The following RAB38 variants were observed in gnomAD, a reference collection of about 807,000 sequenced individuals.
RAB38 encodes RAB38, member RAS oncogene family, also known as ras-related protein Rab-38.
RAB38 carries 15 observed loss-of-function variants against 18.4 expected under a neutral mutation model. The observed-to-expected ratio is 0.82, with a 90% CI of 0.55 to 1.26. The LOEUF is 1.26. Ranked by LOEUF, RAB38 falls within the 50% of genes most tolerant of loss-of-function variation. RAB38 has a pLI of 0.00. For missense variants in RAB38, 294 were observed against 267.4 expected, an observed-to-expected ratio of 1.10 and a Z score of -0.69; for synonymous variants, 101 against 104.4, an observed-to-expected ratio of 0.97 and a Z score of 0.20.
the RAB38 span, among the ~76,000 whole-genome samples, chr11:88,092,003 T>C: frequency 2.6e-5 from 4 of 151,864 alleles, no homozygotes; most frequent in Non-Finnish European, 5.9e-5. Context: ...GTCATTGCCA[T>C]GGAAAGCAGT....
At chr11:87,845,140 T>C in the RAB38 span, among the ~76,000 whole-genome samples, 1 of 152,156 alleles carries the variant, frequency 6.6e-6, no homozygotes, top group Non-Finnish European at 1.5e-5. Flanking sequence ...CTGCAGATTG[T>C]AATAGATAAC....
chr11:88,158,889 T>C (rs151337565), intron 1 of RAB38, among the ~76,000 whole-genome samples: 1 of 152,188 alleles, frequency 6.6e-6, no homozygotes, highest in Admixed American at 6.5e-5. Flanking sequence ...ATTGTGCCTA[T>C]TGAACACATT....
At chr11:87,894,933 C>G in the RAB38 span, among the ~76,000 whole-genome samples, 7 of 151,530 alleles carry the variant, frequency 4.6e-5, no homozygotes, top group African/African-American at 1.7e-4. Context: ...TTAAGTAGCT[C>G]TGATTACAGC....
chr11:87,844,005 T>C, the RAB38 span, among the ~76,000 whole-genome samples: 4 of 152,208 alleles, frequency 2.6e-5, no homozygotes, highest in African/African-American at 9.6e-5. Context: ...TATTTCCTCA[T>C]CTCTTAGTTT....
intron 2 of RAB38, among the ~76,000 whole-genome samples, chr11:88,134,738 C>T (rs1942812010): frequency 6.6e-6 from 1 of 152,226 alleles, no homozygotes; most frequent in Non-Finnish European, 1.5e-5. Context: ...TGATCTGCTT[C>T]CAACCTTTCT....
At chr11:87,910,962 G>C in the RAB38 span, among the ~76,000 whole-genome samples, 2 of 151,864 alleles carry the variant, frequency 1.3e-5, no homozygotes, top group African/African-American at 4.8e-5. Context: ...CGTGGTATGG[G>C]TTCAAGTTCA....
chr11:87,952,655 A>G, the RAB38 span, among the ~76,000 whole-genome samples: 5 of 152,330 alleles, frequency 3.3e-5, no homozygotes, highest in Admixed American at 6.5e-5. Context: ...GTTCAGTACT[A>G]TGCATGGTTT....
At chr11:88,063,563 T>C in the RAB38 span, among the ~76,000 whole-genome samples, 2 of 152,206 alleles carry the variant, frequency 1.3e-5, no homozygotes, top group African/African-American at 4.8e-5. Flanking sequence ...ACACCTAAGA[T>C]AGGGTGTCGA....
chr11:88,088,957 AG>A, the RAB38 span, among the ~76,000 whole-genome samples: 1 of 150,444 alleles, frequency 6.6e-6, no homozygotes, highest in Non-Finnish European at 1.5e-5. Flanking sequence ...CAAAAAAAAA[AG>A]AGCTAAAGGA....
At chr11:88,132,814 T>C (rs1295728181) in intron 2 of RAB38, among the ~76,000 whole-genome samples, 1 of 152,202 alleles carries the variant, frequency 6.6e-6, no homozygotes, top group Non-Finnish European at 1.5e-5. Flanking sequence ...ATTGGAATTA[T>C]AGCTTGAAAC....
chr11:88,146,368 G>A (rs2134821422), intron 2 of RAB38, among the ~76,000 whole-genome samples: 1 of 152,278 alleles, frequency 6.6e-6, no homozygotes, highest in Admixed American at 6.5e-5. Flanking sequence ...AGAAGTTTCA[G>A]CAATGTGAAG....
At chr11:88,074,717 G>A in the RAB38 span, among the ~76,000 whole-genome samples, 1 of 152,090 alleles carries the variant, frequency 6.6e-6, no homozygotes, top group African/African-American at 2.4e-5. Context: ...AATAATACCA[G>A]TGAATCTAAA....
At chr11:88,035,933 C>A in the RAB38 span, among the ~76,000 whole-genome samples, 2 of 151,936 alleles carry the variant, frequency 1.3e-5, no homozygotes, top group East Asian at 1.9e-4. Flanking sequence ...GATTTCAAAC[C>A]ACTGCTTTTA....
chr11:87,896,540 C>T, the RAB38 span, among the ~76,000 whole-genome samples: 1 of 151,636 alleles, frequency 6.6e-6, no homozygotes, highest in African/African-American at 2.4e-5. Context: ...AATTTCAAAA[C>T]ATGACTGCTG....
chr11:88,078,501 A>ATATGTGTG, the RAB38 span, among the ~76,000 whole-genome samples: 101 of 148,792 alleles, frequency 6.8e-4, no homozygotes, highest in South Asian at 1.5e-3. Context: ...GTGTGTATAT[A>ATATGTGTG]TGTGTGTGTG....
At chr11:87,884,468 T>C in the RAB38 span, among the ~76,000 whole-genome samples, 3 of 152,030 alleles carry the variant, frequency 2.0e-5, no homozygotes, top group African/African-American at 7.2e-5. Context: ...CAAGATGGTT[T>C]GTAGCAGAGA....
chr11:87,875,334 A>C, the RAB38 span, among the ~76,000 whole-genome samples: 1 of 151,602 alleles, frequency 6.6e-6, no homozygotes, highest in East Asian at 2.0e-4. Flanking sequence ...ATTAATTATA[A>C]GTAAAGGTGA....
the RAB38 span, among the ~76,000 whole-genome samples, chr11:87,887,378 C>A: frequency 6.6e-6 from 1 of 151,940 alleles, no homozygotes; most frequent in African/African-American, 2.4e-5. Context: ...ACTTAATTTT[C>A]CAGAAACTGA....
intron 1 of RAB38, among the ~76,000 whole-genome samples, chr11:88,150,202 C>T (rs889993024): frequency 5.3e-5 from 8 of 152,088 alleles, no homozygotes; most frequent in Admixed American, 5.2e-4. Flanking sequence ...ATATTCTAGA[C>T]CTATGCAAAT....
Sources: gnomAD v4.1 joint callset for allele counts (sites outside exome capture counted in the v4.1 genomes callset) on GRCh38, gnomAD v4.1.1 for gene constraint, MANE v1.5 for transcripts, NCBI Gene and HGNC (gene_info 2026-07-23, HGNC 2026-07-21) for gene names.